SEMA5A: variants seen among roughly 807,000 people sequenced by gnomAD.
SEMA5A encodes the protein semaphorin 5A, also known as semaphorin-5A.
In SEMA5A, 55 loss-of-function variants were observed where a neutral mutation model predicts 135.5. The observed-to-expected ratio is 0.41, with a 90% confidence interval of 0.33 to 0.51. The LOEUF is 0.51. Among genes scored for constraint, SEMA5A ranks in the 20% least tolerant of loss-of-function variants. The pLI, the probability that SEMA5A is intolerant of heterozygous loss-of-function variation, is 0.37. For synonymous variants in SEMA5A, 580 were observed against 546.5 expected, an observed-to-expected ratio of 1.06 and a Z score of -0.85; for missense variants, 1,290 against 1,419.9, an observed-to-expected ratio of 0.91 and a Z score of 1.47.
chr5:9,135,012 C>G (rs1319498842), intron 13 of SEMA5A, among the ~76,000 whole-genome samples: 1 of 151,962 alleles, frequency 6.6e-6, no homozygotes, highest in African/African-American at 2.4e-5. Context: ...TCATGAGGAC[C>G]CACAGCTAAT....
intron 21 of SEMA5A, among the ~76,000 whole-genome samples, chr5:9,049,444 C>T (rs752740990): frequency 2.0e-5 from 3 of 152,150 alleles, no homozygotes; most frequent in East Asian, 1.9e-4. Context: ...GGATTACAGG[C>T]GTGAGCCACT....
chr5:9,236,424 G>A (rs1747912094), intron 6 of SEMA5A, among the ~76,000 whole-genome samples: 1 of 152,120 alleles, frequency 6.6e-6, no homozygotes, highest in South Asian at 2.1e-4. Context: ...AGTGAAGTGG[G>A]GCCGAGGGCC....
At chr5:9,350,666 A>T (rs1754073558) in intron 3 of SEMA5A, among the ~76,000 whole-genome samples, 1 of 152,098 alleles carries the variant, frequency 6.6e-6, no homozygotes, top group Non-Finnish European at 1.5e-5. Context: ...GCTACATTGC[A>T]TTTCTTTGGT....
intron 1 of SEMA5A, among the ~76,000 whole-genome samples, chr5:9,504,572 A>G (rs949126813): frequency 6.6e-6 from 1 of 152,230 alleles, no homozygotes; most frequent in African/African-American, 2.4e-5. Context: ...AGGGCAGAGC[A>G]TGGTGAGGCG....
At chr5:9,283,297 G>A (rs1353857721) in intron 5 of SEMA5A, among the ~76,000 whole-genome samples, 2 of 152,064 alleles carry the variant, frequency 1.3e-5, no homozygotes, top group Non-Finnish European at 2.9e-5. Flanking sequence ...GTCTTTTTAG[G>A]CTTGTGAGAG....
chr5:9,491,903 T>A (rs922484207), intron 1 of SEMA5A, among the ~76,000 whole-genome samples: 1 of 152,182 alleles, frequency 6.6e-6, no homozygotes, highest in Non-Finnish European at 1.5e-5. Flanking sequence ...TTGCCAGCAG[T>A]GGTCCTCAAC....
chr5:9,086,484 T>G (rs927051953), intron 16 of SEMA5A, among the ~76,000 whole-genome samples: 1 of 152,162 alleles, frequency 6.6e-6, no homozygotes. Context: ...CGAGCTCTCT[T>G]CTCTTGTCTG....
At chr5:9,505,286 G>A (rs1477749638) in intron 1 of SEMA5A, among the ~76,000 whole-genome samples, 7 of 152,084 alleles carry the variant, frequency 4.6e-5, no homozygotes, top group Non-Finnish European at 1.0e-4. Context: ...AAAGCATTTC[G>A]CTTTCAGTAG....
intron 5 of SEMA5A, among the ~76,000 whole-genome samples, chr5:9,252,138 C>T (rs1748830188): frequency 6.6e-6 from 1 of 152,158 alleles, no homozygotes; most frequent in Non-Finnish European, 1.5e-5. Flanking sequence ...TTGCTTTGAA[C>T]TTGTCAGACA....
At chr5:9,243,954 G>A (rs1748344975) in intron 5 of SEMA5A, among the ~76,000 whole-genome samples, 1 of 152,134 alleles carries the variant, frequency 6.6e-6, no homozygotes, top group African/African-American at 2.4e-5. Flanking sequence ...TAAGTTCAGA[G>A]CTGTTGGCAT....
chr5:9,232,022 T>C (rs1226324468), intron 6 of SEMA5A, among the ~76,000 whole-genome samples: 12 of 152,170 alleles, frequency 7.9e-5, no homozygotes, highest in African/African-American at 2.4e-5. Flanking sequence ...AGGCAATTGA[T>C]AGCCGAGGAG....
chr5:9,446,633 G>T (rs554174275), intron 1 of SEMA5A, among the ~76,000 whole-genome samples: 31 of 152,170 alleles, frequency 2.0e-4, no homozygotes, highest in African/African-American at 7.5e-4. Flanking sequence ...GAAAAAAAGG[G>T]TGTCTGAGAC....
At chr5:9,180,659 G>A (rs75714589) in intron 11 of SEMA5A, among the ~76,000 whole-genome samples, 22,013 of 152,088 alleles carry the variant, frequency 0.14, 1,860 homozygotes, top group Admixed American at 0.26. Flanking sequence ...TACCCAGAAG[G>A]GTATCCTTGG....
chr5:9,079,927 G>A (rs1161611896), intron 16 of SEMA5A, among the ~76,000 whole-genome samples: 1 of 152,164 alleles, frequency 6.6e-6, no homozygotes, highest in Non-Finnish European at 1.5e-5. Context: ...GGAGAAATGG[G>A]AATGATTTTA....
rs762863549 is a variant in SEMA5A, at chr5:9,051,988, G to T, written c.2730C>A (p.Ala910=). ...GGCGGGCGCGGACTTGGACGCCAGA[G>T]GCTTCACACTCAGACCAGTCCGACC... The part of the protein sequence containing the change: ...SEWSDWSECE[A]SGVQVRARQC... Residue 910 remains alanine (A), a synonymous_variant, in exon 20 of 23, where the codon GCC becomes GCA. Coordinates refer to ENST00000382496, the MANE Select transcript of SEMA5A (RefSeq NM_003966.3). The T allele has an allele frequency of 3.7e-6, 6 of 1,613,526 alleles. No homozygotes were observed. The Admixed American group carries it at 5.0e-5, about 13-fold the overall frequency.
chr5:9,182,566 A>G (rs1446146474), intron 11 of SEMA5A, among the ~76,000 whole-genome samples: 1 of 152,050 alleles, frequency 6.6e-6, no homozygotes, highest in Non-Finnish European at 1.5e-5. Context: ...TGTCCCCCTA[A>G]GAACCAATGT....
intron 5 of SEMA5A, among the ~76,000 whole-genome samples, chr5:9,254,025 G>A (rs575970425): frequency 6.6e-6 from 1 of 152,198 alleles, no homozygotes; most frequent in East Asian, 1.9e-4. Context: ...ATACAAAATA[G>A]AAATAGAAAC....
chr5:9,091,960 T>C (rs930870608), intron 16 of SEMA5A, among the ~76,000 whole-genome samples: 1 of 152,212 alleles, frequency 6.6e-6, no homozygotes, highest in African/African-American at 2.4e-5. Context: ...TACAAGGAGC[T>C]TAAAGTTATG....
At chr5:9,116,491 G>A (rs1740520305) in intron 15 of SEMA5A, among the ~76,000 whole-genome samples, 1 of 151,850 alleles carries the variant, frequency 6.6e-6, no homozygotes, top group Non-Finnish European at 1.5e-5. Context: ...TTAAGCTAGA[G>A]TTATTTTTCA....
Sources: allele counts gnomAD v4.1 joint callset (sites outside exome capture counted in the v4.1 genomes callset), GRCh38; gene constraint gnomAD v4.1.1; transcripts MANE v1.5; gene names NCBI Gene and HGNC (gene_info 2026-07-23, HGNC 2026-07-21).